Variants in RNF150 observed in about 807,000 individuals in gnomAD.
The protein encoded by RNF150 is ring finger protein 150.
Under a neutral mutation model 39.3 loss-of-function variants are expected in RNF150, and 24 were observed. That is an observed-to-expected ratio of 0.61 (90% confidence interval 0.44 to 0.86). RNF150 has a LOEUF of 0.86. Among genes scored for constraint, RNF150 ranks in the 40% least tolerant of loss-of-function variants. RNF150 has a pLI of 0.00. For missense variants in RNF150, 502 were observed against 587.8 expected, an observed-to-expected ratio of 0.85 and a Z score of 1.51; for synonymous variants, 255 against 227.3, an observed-to-expected ratio of 1.12 and a Z score of -1.10.
chr4:140,952,650 T>A (rs999134619), intron 2 of RNF150, among the ~76,000 whole-genome samples: 2 of 152,190 alleles, frequency 1.3e-5, no homozygotes, highest in African/African-American at 2.4e-5. Context: ...TGACAGGGAT[T>A]TTGGCTAACA....
chr4:141,052,991 C>G (rs1486828541), intron 1 of RNF150, among the ~76,000 whole-genome samples: 2 of 152,074 alleles, frequency 1.3e-5, no homozygotes, highest in African/African-American at 4.8e-5. Flanking sequence ...CTCTCTGTTC[C>G]TTGATTCCTT....
chr4:140,879,203 A>T (rs1729284479), intron 6 of RNF150, among the ~76,000 whole-genome samples: 1 of 152,098 alleles, frequency 6.6e-6, no homozygotes, highest in Non-Finnish European at 1.5e-5. Flanking sequence ...CTTCTTTCTC[A>T]TGATTGTTTT....
intron 1 of RNF150, among the ~76,000 whole-genome samples, chr4:141,129,727 T>C (rs1371359476): frequency 3.3e-5 from 5 of 152,126 alleles, no homozygotes; most frequent in African/African-American, 1.2e-4. Context: ...TATAGTTACA[T>C]AAGTGGCAGA....
intron 5 of RNF150, among the ~76,000 whole-genome samples, chr4:140,920,692 T>C (rs1046587696): frequency 1.3e-5 from 2 of 152,226 alleles, no homozygotes; most frequent in South Asian, 2.1e-4. Flanking sequence ...ACTGGGTATA[T>C]ACCCTAAGGA....
At chr4:141,006,245 TATAC>T (rs1175910870) in intron 1 of RNF150, among the ~76,000 whole-genome samples, 5 of 149,326 alleles carry the variant, frequency 3.3e-5, no homozygotes, top group African/African-American at 1.3e-4. Flanking sequence ...TATGTATATA[TATAC>T]ATACATATAT....
At chr4:140,917,745 T>C (rs9654245) in intron 5 of RNF150, among the ~76,000 whole-genome samples, 83,263 of 150,738 alleles carry the variant, frequency 0.55, 23,457 homozygotes, top group East Asian at 0.89. Context: ...ACATTTTTTT[T>C]CAGCACCACA....
chr4:140,973,503 C>CTT (rs1468113583), intron 1 of RNF150, among the ~76,000 whole-genome samples: 2 of 151,688 alleles, frequency 1.3e-5, no homozygotes, highest in Non-Finnish European at 2.9e-5. Context: ...GTAGCACCTC[C>CTT]TTTTCTTCCT....
At chr4:141,082,415 G>A (rs1309837791) in intron 1 of RNF150, among the ~76,000 whole-genome samples, 1 of 152,084 alleles carries the variant, frequency 6.6e-6, no homozygotes, top group African/African-American at 2.4e-5. Flanking sequence ...CACCATTACT[G>A]GTTTTCCTTG....
intron 2 of RNF150, among the ~76,000 whole-genome samples, chr4:140,953,974 T>C (rs974388266): frequency 6.6e-6 from 1 of 152,168 alleles, no homozygotes; most frequent in Non-Finnish European, 1.5e-5. Flanking sequence ...GTACCCAACC[T>C]GAATAGAGAA....
At chr4:141,098,093 T>C (rs538718135) in intron 1 of RNF150, among the ~76,000 whole-genome samples, 161 of 152,248 alleles carry the variant, frequency 1.1e-3, no homozygotes, top group African/African-American at 3.8e-3. Flanking sequence ...TATTCAAAAT[T>C]ATAAAACACT....
At chr4:140,905,765 C>T (rs762894207) in intron 6 of RNF150, among the ~76,000 whole-genome samples, 80 of 152,126 alleles carry the variant, frequency 5.3e-4, no homozygotes, top group Non-Finnish European at 9.7e-4. Context: ...GACTCAGTCT[C>T]CTTCCTGCCT....
chr4:141,129,828 C>T (rs1045167029), intron 1 of RNF150, among the ~76,000 whole-genome samples: 1 of 152,120 alleles, frequency 6.6e-6, no homozygotes, highest in Non-Finnish European at 1.5e-5. Flanking sequence ...TTTCAAGATA[C>T]ACAAATGCAT....
chr4:141,184,020 C>T (rs781421342), intron 1 of RNF150, among the ~76,000 whole-genome samples: 1 of 152,122 alleles, frequency 6.6e-6, no homozygotes, highest in Non-Finnish European at 1.5e-5. Context: ...TGGGTATATA[C>T]CCAGTAATGG....
At chr4:140,920,811 G>T (rs990718872) in intron 5 of RNF150, among the ~76,000 whole-genome samples, 64 of 151,322 alleles carry the variant, frequency 4.2e-4, no homozygotes, top group African/African-American at 2.2e-4. Context: ...TGATAGACTG[G>T]ATTAAGAAAA....
rs1281952224 is a variant in RNF150, at chr4:141,132,351, T to C, written c.458A>G (p.Asn153Ser). The part of the protein sequence containing the change: ...VVIFNVGSNT[N>S]ETITMPHAGV... The stretch of plus-strand genomic sequence containing the variant: ...CGCGTGGGGCATGGTGATGGTCTCG[T>C]TGGTGTTGGAGCCCACGTTGAAGAT... Residue 153 changes from asparagine to serine, a missense_variant, in exon 1 of 7, where the codon AAC becomes AGC. Asn to Ser is a conservative substitution (Grantham distance 46). Transcript: ENST00000515673. The surrounding 1 kb of genome is among the most constrained non-coding windows in gnomAD (Gnocchi z 4.9). The C allele has an allele frequency of 7.6e-6, 12 of 1,588,072 alleles. No homozygotes were observed. Among genetic ancestry groups the C allele is most frequent in the African/African-American group, 1.3e-5 (1 of 74,348 alleles).
At position 141,096,445 on chromosome 4, in the gene RNF150, G is replaced by A. The variant is rs373047747; in HGVS notation, c.484+35880C>T. Reference sequence around the variant, plus strand: ...ACTCCTGAGTTCAGGCAATCCGCCCGCCTCGGCCTCCCAAAGTGCTAGGAT... The same window carrying A: ...ACTCCTGAGTTCAGGCAATCCGCCCACCTCGGCCTCCCAAAGTGCTAGGAT... On this transcript the variant is annotated intron_variant, in intron 1 of 6. Coordinates refer to ENST00000515673, the MANE Select transcript of RNF150 (RefSeq NM_020724.2). 3.0e-3 allele frequency among the ~76,000 whole-genome samples: 457 copies of A among 152,016 alleles called. 2 individuals carry two copies. The highest frequency in any genetic ancestry group is 0.01 in the African/African-American group (431 of 41,484).
chr4:141,172,941 G>C (rs140363900), intron 1 of RNF150, among the ~76,000 whole-genome samples: 1 of 151,996 alleles, frequency 6.6e-6, no homozygotes, highest in Non-Finnish European at 1.5e-5. Context: ...CAGGAGAATC[G>C]CTTGAACCCG....
chr4:140,988,300 C>A (rs372965603), intron 1 of RNF150, among the ~76,000 whole-genome samples: 1 of 151,978 alleles, frequency 6.6e-6, no homozygotes, highest in East Asian at 1.9e-4. Context: ...CACATGCATG[C>A]GTATGTTCAT....
At chr4:141,073,306 G>A (rs376451362) in intron 1 of RNF150, among the ~76,000 whole-genome samples, 5 of 152,090 alleles carry the variant, frequency 3.3e-5, no homozygotes, top group Non-Finnish European at 5.9e-5. Flanking sequence ...CACAGATACC[G>A]GGCATTATCT....
Sources: gnomAD v4.1 joint callset for allele counts (sites outside exome capture counted in the v4.1 genomes callset) on GRCh38, gnomAD v4.1.1 for gene constraint, Gnocchi (gnomAD v3.1) non-coding constraint, MANE v1.5 for transcripts, NCBI Gene and HGNC (gene_info 2026-07-23, HGNC 2026-07-21) for gene names.